The following MDFIC2 variants were observed in gnomAD, a reference collection of about 807,000 sequenced individuals.
MDFIC2 encodes the protein MyoD family inhibitor domain containing 2.
rs1366298189 is a variant in MDFIC2, at chr3:70,287,991, G to T, written c.88+23895C>A. Among the ~76,000 whole-genome samples the T allele has an allele frequency of 2.0e-5, 3 of 151,682 alleles. No individual in the cohort carries two copies. In the South Asian group the frequency reaches 6.3e-4, roughly 32 times the overall value. On this transcript the variant is annotated intron_variant, in intron 2 of 3. Transcript: ENST00000567252. ...TTGCTAGCAGTCTATCTCTTTTGTT[G>T]ATCCTTTCAAAAAACCAGCTCCTGG... is the stretch of plus-strand genomic sequence containing the variant.
At chr3:70,255,302 C>T (rs990889648) in intron 2 of MDFIC2, among the ~76,000 whole-genome samples, 1 of 152,130 alleles carries the variant, frequency 6.6e-6, no homozygotes, top group Non-Finnish European at 1.5e-5. Flanking sequence ...AACATACATA[C>T]TGTGATTTTA....
intron 2 of MDFIC2, among the ~76,000 whole-genome samples, chr3:70,244,383 T>C (rs916176109): frequency 1.1e-3 from 171 of 152,322 alleles, no homozygotes; most frequent in African/African-American, 3.9e-3. Flanking sequence ...ATGGCAGTCT[T>C]ATGGGCCTGT....
chr3:70,261,505 A>G (rs1701866723), intron 2 of MDFIC2, among the ~76,000 whole-genome samples: 1 of 152,282 alleles, frequency 6.6e-6, no homozygotes, highest in Admixed American at 6.5e-5. Context: ...ATCCTGATTA[A>G]TAATTACATT....
chr3:70,294,837 A>G (rs1702274623), intron 2 of MDFIC2, among the ~76,000 whole-genome samples: 3 of 152,142 alleles, frequency 2.0e-5, no homozygotes, highest in Admixed American at 2.0e-4. Context: ...AGTTTCAAGC[A>G]TCACGTAGCA....
At chr3:70,243,697 G>A (rs1410128993) in intron 2 of MDFIC2, among the ~76,000 whole-genome samples, 3 of 152,144 alleles carry the variant, frequency 2.0e-5, no homozygotes, top group Admixed American at 6.5e-5. Flanking sequence ...TATTCCTAAC[G>A]TCCCCTGGGG....
At chr3:70,285,014 A>AT (rs375145716) in intron 2 of MDFIC2, among the ~76,000 whole-genome samples, 16 of 150,094 alleles carry the variant, frequency 1.1e-4, no homozygotes, top group African/African-American at 3.4e-4. Context: ...CAAATTACCT[A>AT]TTTTTTTATT....
chr3:70,244,171 A>C (rs1468867883), intron 2 of MDFIC2, among the ~76,000 whole-genome samples: 1 of 152,062 alleles, frequency 6.6e-6, no homozygotes, highest in East Asian at 1.9e-4. Flanking sequence ...CCACTTCACC[A>C]CCTAATAATT....
intron 2 of MDFIC2, among the ~76,000 whole-genome samples, chr3:70,278,513 C>T (rs1002921671): frequency 2.0e-5 from 3 of 152,172 alleles, no homozygotes; most frequent in Non-Finnish European, 2.9e-5. Flanking sequence ...TTTATACATC[C>T]GTCAAGACTG....
chr3:70,208,947 C>G (rs780364557), intron 2 of MDFIC2, among the ~76,000 whole-genome samples: 2 of 151,980 alleles, frequency 1.3e-5, no homozygotes, highest in South Asian at 4.1e-4. Flanking sequence ...AAACATCTGT[C>G]GTTGAAAGCA....
chr3:70,219,448 T>C (rs556501735), intron 2 of MDFIC2, among the ~76,000 whole-genome samples: 3 of 152,300 alleles, frequency 2.0e-5, no homozygotes, highest in Middle Eastern at 3.4e-3. Flanking sequence ...TAGTTCTTTG[T>C]CACCTTAACT....
chr3:70,264,085 T>C (rs918594736), intron 2 of MDFIC2, among the ~76,000 whole-genome samples: 1 of 152,220 alleles, frequency 6.6e-6, no homozygotes, highest in Non-Finnish European at 1.5e-5. Context: ...CACTTTGCAT[T>C]TAATATTTTT....
At chr3:70,234,929 G>T (rs1053843529) in intron 2 of MDFIC2, among the ~76,000 whole-genome samples, 1 of 152,054 alleles carries the variant, frequency 6.6e-6, no homozygotes, top group Admixed American at 6.5e-5. Context: ...GAAACCTCAC[G>T]GTTTCCTGAT....
rs1439377496 is a variant in MDFIC2 at position 70,196,215 on chromosome 3, A to G, written c.*711T>C. On this transcript the variant is annotated 3_prime_UTR_variant, in exon 4 of 4. Coordinates refer to ENST00000567252, the MANE Select transcript of MDFIC2 (RefSeq NM_001364677.1). ...ATAACTAAGAGCCTTTCTGTAACGAATTAAGAATATGAATAACCTGTTATG... is the reference window on the plus strand; with the variant it reads ...ATAACTAAGAGCCTTTCTGTAACGAGTTAAGAATATGAATAACCTGTTATG... Among the ~76,000 whole-genome samples the G allele has an allele frequency of 6.6e-6, 1 of 152,208 alleles. No individual in the cohort carries two copies. The highest frequency in any genetic ancestry group is 1.5e-5 in the Non-Finnish European group (1 of 68,028).
rs1701176620 is a variant in MDFIC2, at chr3:70,196,095, C to T, written c.*831G>A. 6.6e-6 allele frequency among the ~76,000 whole-genome samples: 1 copy of T among 152,134 alleles called. No individual in the cohort carries two copies. Among genetic ancestry groups the T allele is most frequent in the African/African-American group, 2.4e-5 (1 of 41,440 alleles). ...AATGAGCTGAATCTGTTTTAATATC[C>T]TGTTGCTTATTGTACCTGACAAATA... On this transcript the variant is annotated 3_prime_UTR_variant, in exon 4 of 4. Coordinates refer to ENST00000567252, the MANE Select transcript of MDFIC2 (RefSeq NM_001364677.1).
At chr3:70,283,611 GTT>G (rs1365090079) in intron 2 of MDFIC2, 1 of 151,974 alleles carries the variant, frequency 6.6e-6, no homozygotes, top group African/African-American at 2.4e-5. Context: ...CACCTACCTG[GTT>G]CTTGGGCAGA....
rs1449805081 is a variant in MDFIC2, at chr3:70,196,096, TG to T, written c.*829del. Among the ~76,000 whole-genome samples the T allele has an allele frequency of 6.6e-6, 1 of 152,228 alleles. No individual in the cohort carries two copies. Among genetic ancestry groups the T allele is most frequent in the East Asian group, 1.9e-4 (1 of 5,198 alleles). On this transcript the variant is annotated 3_prime_UTR_variant, in exon 4 of 4. Transcript: ENST00000567252. ...ATGAGCTGAATCTGTTTTAATATCC[TG>T]TTGCTTATTGTACCTGACAAATAAA...
At chr3:70,236,295 C>T (rs1019565563) in intron 2 of MDFIC2, among the ~76,000 whole-genome samples, 1 of 152,112 alleles carries the variant, frequency 6.6e-6, no homozygotes, top group African/African-American at 2.4e-5. Context: ...CTTTAAACTC[C>T]CTGCACTTAA....
intron 2 of MDFIC2, among the ~76,000 whole-genome samples, chr3:70,275,334 C>A (rs1702013250): frequency 6.6e-6 from 1 of 151,970 alleles, no homozygotes; most frequent in African/African-American, 2.4e-5. Context: ...CATAGTAAGA[C>A]CTCGTCTCTA....
At chr3:70,303,529 G>C (rs1275954876) in intron 2 of MDFIC2, among the ~76,000 whole-genome samples, 1 of 152,140 alleles carries the variant, frequency 6.6e-6, no homozygotes, top group African/African-American at 2.4e-5. Context: ...TTCCCTTCTA[G>C]ATTGTGAGCT....
Sources: gnomAD v4.1 joint callset for allele counts (sites outside exome capture counted in the v4.1 genomes callset) on GRCh38, gnomAD v4.1.1 for gene constraint, MANE v1.5 for transcripts, NCBI Gene and HGNC (gene_info 2026-07-23, HGNC 2026-07-21) for gene names.